Variants in SLC14A2 observed in about 807,000 individuals in gnomAD.
SLC14A2 encodes solute carrier family 14 member 2.
Under a neutral mutation model 104.6 loss-of-function variants are expected in SLC14A2, and 91 were observed. That is an observed-to-expected ratio of 0.87 (90% CI 0.73 to 1.04). The LOEUF is 1.04. Ranked by LOEUF, SLC14A2 falls within the 50% of genes least tolerant of loss-of-function variation. SLC14A2 has a pLI of 0.00. For synonymous variants in SLC14A2, 476 were observed against 466.4 expected, an observed-to-expected ratio of 1.02 and a Z score of -0.27; for missense variants, 1,189 against 1,156.0, an observed-to-expected ratio of 1.03 and a Z score of -0.41.
At chr18:45,558,800 C>CT (rs553720240) in intron 2 of SLC14A2, among the ~76,000 whole-genome samples, 85 of 151,484 alleles carry the variant, frequency 5.6e-4, no homozygotes, top group South Asian at 1.9e-3. Flanking sequence ...CTTTGAGTTT[C>CT]TTTTTTTTTG....
At chr18:45,426,326 A>C (rs908031115) in intron 1 of SLC14A2, among the ~76,000 whole-genome samples, 2 of 152,102 alleles carry the variant, frequency 1.3e-5, no homozygotes, top group Non-Finnish European at 2.9e-5. Flanking sequence ...GCGTGTAATC[A>C]TCTAACTTAT....
chr18:45,477,046 T>C (rs1227834348), intron 1 of SLC14A2, among the ~76,000 whole-genome samples: 2 of 152,200 alleles, frequency 1.3e-5, no homozygotes, highest in African/African-American at 4.8e-5. Context: ...TTGTGATCCT[T>C]TGGAGAAGAG....
At chr18:45,448,404 G>A (rs2086805446) in intron 1 of SLC14A2, among the ~76,000 whole-genome samples, 1 of 152,144 alleles carries the variant, frequency 6.6e-6, no homozygotes, top group Non-Finnish European at 1.5e-5. Flanking sequence ...TGTAAACTGG[G>A]AGAGCTCTAG....
At chr18:45,667,193 C>T in intron 13 of SLC14A2, 99 bp downstream of exon 13, 1 of 897,274 alleles carries the variant, frequency 1.1e-6, no homozygotes, top group Non-Finnish European at 1.7e-6. Context: ...ATAGACTAGA[C>T]TTAGACTAGA....
At chr18:45,327,541 C>T (rs2085248375) in intron 1 of SLC14A2, among the ~76,000 whole-genome samples, 2 of 152,186 alleles carry the variant, frequency 1.3e-5, no homozygotes, top group Non-Finnish European at 2.9e-5. Flanking sequence ...AATCTCTTCT[C>T]CTCTGCATTA....
the SLC14A2 span, among the ~76,000 whole-genome samples, chr18:45,205,662 C>G: frequency 6.6e-6 from 1 of 152,192 alleles, no homozygotes; most frequent in Non-Finnish European, 1.5e-5. Context: ...CACTAGCAAA[C>G]CAACCTAGTG....
chr18:45,475,460 G>T (rs1212143382), intron 1 of SLC14A2, among the ~76,000 whole-genome samples: 1 of 151,262 alleles, frequency 6.6e-6, no homozygotes, highest in East Asian at 1.9e-4. Flanking sequence ...TTGACAGTGG[G>T]GTGTTAATAC....
chr18:45,681,823 C>A (rs11661319), intron 19 of SLC14A2, among the ~76,000 whole-genome samples: 151,777 of 152,342 alleles, frequency 1, 75,608 homozygotes, highest in Middle Eastern at 1. Context: ...CTGTTGGCAG[C>A]GGGCACTTTC....
At chr18:45,584,427 G>A (rs1405685307) in intron 2 of SLC14A2, among the ~76,000 whole-genome samples, 1 of 152,192 alleles carries the variant, frequency 6.6e-6, no homozygotes, top group African/African-American at 2.4e-5. Context: ...TGTATGTGGG[G>A]TTGAAGGCAG....
intron 1 of SLC14A2, among the ~76,000 whole-genome samples, chr18:45,253,202 T>A (rs971606054): frequency 6.6e-6 from 1 of 152,202 alleles, no homozygotes; most frequent in African/African-American, 2.4e-5. Flanking sequence ...TGCAATGATT[T>A]CCCAGGTGAT....
intron 2 of SLC14A2, among the ~76,000 whole-genome samples, chr18:45,538,871 T>G (rs1437888880): frequency 1.5e-5 from 2 of 131,984 alleles, no homozygotes; most frequent in Non-Finnish European, 3.3e-5. Flanking sequence ...TTTTTTTTTT[T>G]GCTTGCTTTC....
Position 45,681,263 on chromosome 18 carries a change from C to G in SLC14A2, c.2563-1056C>G. On this transcript the variant is annotated intron_variant, in intron 19 of 19. Coordinates refer to ENST00000255226, the MANE Select transcript of SLC14A2 (RefSeq NM_007163.4). ...TATTTTTAGTAGAGACGGGGTTTCACCGTTTTTAGCCGGGATGGTCTCGAT... is the reference window on the plus strand; with the variant it reads ...TATTTTTAGTAGAGACGGGGTTTCAGCGTTTTTAGCCGGGATGGTCTCGAT... Among the ~76,000 whole-genome samples, 2 of 17,000 alleles carry G rather than the reference C, an allele frequency of 1.2e-4. 1 individual carries two copies. The highest frequency in any genetic ancestry group is 1.4e-4 in the African/African-American group (2 of 14,130). The allele number at this position is 17,000 out of a possible 152,430, so 11.2% of individuals were successfully genotyped here.
At chr18:45,603,073 G>T (rs1568294468) in intron 2 of SLC14A2, among the ~76,000 whole-genome samples, 1 of 151,978 alleles carries the variant, frequency 6.6e-6, no homozygotes, top group African/African-American at 2.4e-5. Flanking sequence ...GAATCAATCA[G>T]TTGTTGGGAT....
chr18:45,481,731 A>G (rs35499432), intron 1 of SLC14A2, among the ~76,000 whole-genome samples: 11,422 of 152,284 alleles, frequency 0.075, 556 homozygotes, highest in East Asian at 0.21. Context: ...CTTCAACCAG[A>G]GAAATTGTTG....
intron 2 of SLC14A2, among the ~76,000 whole-genome samples, chr18:45,531,305 C>T (rs1445038054): frequency 6.6e-6 from 1 of 152,202 alleles, no homozygotes; most frequent in Non-Finnish European, 1.5e-5. Context: ...AACTAGTTTA[C>T]AGTCCCACCA....
chr18:45,552,721 C>T (rs1233862226), intron 2 of SLC14A2, among the ~76,000 whole-genome samples: 1 of 152,140 alleles, frequency 6.6e-6, no homozygotes, highest in Non-Finnish European at 1.5e-5. Context: ...TATCTGAAGA[C>T]ATAGAACAGG....
At chr18:45,367,950 C>G (rs1487264910) in intron 1 of SLC14A2, among the ~76,000 whole-genome samples, 1 of 152,098 alleles carries the variant, frequency 6.6e-6, no homozygotes, top group Non-Finnish European at 1.5e-5. Context: ...AAAGGCAAAT[C>G]TTGAGCTCAC....
intron 2 of SLC14A2, among the ~76,000 whole-genome samples, chr18:45,589,741 A>T (rs2044620588): frequency 6.6e-6 from 1 of 152,226 alleles, no homozygotes; most frequent in African/African-American, 2.4e-5. Flanking sequence ...GAAATATGAT[A>T]TACTGTCGTT....
At chr18:45,593,655 A>G (rs1274537722) in intron 2 of SLC14A2, among the ~76,000 whole-genome samples, 2 of 151,232 alleles carry the variant, frequency 1.3e-5, no homozygotes, top group Admixed American at 1.3e-4. Flanking sequence ...ACGCCCAGCT[A>G]ATTTTTTGTA....
Sources: allele counts gnomAD v4.1 joint callset (sites outside exome capture counted in the v4.1 genomes callset), GRCh38; gene constraint gnomAD v4.1.1; transcripts MANE v1.5; gene names NCBI Gene and HGNC (gene_info 2026-07-23, HGNC 2026-07-21).